AGMO: variants seen among roughly 807,000 people sequenced by gnomAD.
The protein encoded by AGMO is glyceryl-ether monooxygenase.
AGMO carries 75 observed loss-of-function variants against 60.2 expected under a neutral mutation model. The observed-to-expected ratio is 1.25, with a 90% CI of 1.03 to 1.51. The LOEUF is 1.51. Ranked by LOEUF, AGMO falls within the 40% of genes most tolerant of loss-of-function variation. The pLI is 0.00. For synonymous variants in AGMO, 261 were observed against 177.1 expected, an observed-to-expected ratio of 1.47 and a Z score of -3.76; for missense variants, 763 against 525.5, an observed-to-expected ratio of 1.45 and a Z score of -4.42.
chr7:15,560,860 T>G (rs941948806), intron 1 of AGMO, among the ~76,000 whole-genome samples: 7 of 152,212 alleles, frequency 4.6e-5, no homozygotes, highest in African/African-American at 1.7e-4. Flanking sequence ...AAAGCTCCAC[T>G]ATTGGTGATG....
chr7:15,424,793 G>A (rs1049450980), intron 4 of AGMO, among the ~76,000 whole-genome samples: 1 of 152,118 alleles, frequency 6.6e-6, no homozygotes, highest in Middle Eastern at 3.2e-3. Context: ...CTTCATGGGG[G>A]CTTAATGCAT....
At chr7:15,467,681 T>C (rs1043183975) in intron 3 of AGMO, among the ~76,000 whole-genome samples, 3 of 152,184 alleles carry the variant, frequency 2.0e-5, no homozygotes, top group African/African-American at 7.2e-5. Flanking sequence ...ATTTGCTCCA[T>C]ATTAAATAAC....
intron 3 of AGMO, among the ~76,000 whole-genome samples, chr7:15,486,753 T>C (rs1449621446): frequency 1.3e-5 from 2 of 152,228 alleles, no homozygotes; most frequent in African/African-American, 2.4e-5. Context: ...ATTTTATCTT[T>C]AGAAATATCA....
At chr7:15,312,028 T>A (rs1038481824) in intron 12 of AGMO, among the ~76,000 whole-genome samples, 1 of 151,558 alleles carries the variant, frequency 6.6e-6, no homozygotes, top group Non-Finnish European at 1.5e-5. Context: ...ACTCTCCAAA[T>A]GCATCACTGG....
chr7:15,531,044 A>G (rs71530627), intron 3 of AGMO, among the ~76,000 whole-genome samples: 6,246 of 20,612 alleles, frequency 0.3, 2,194 homozygotes, highest in East Asian at 0.62. Context: ...TATTCTATAT[A>G]TATTCTATAT....
At chr7:15,458,676 C>T (rs1035404899) in intron 3 of AGMO, among the ~76,000 whole-genome samples, 2 of 152,114 alleles carry the variant, frequency 1.3e-5, no homozygotes, top group African/African-American at 2.4e-5. Flanking sequence ...TCACATACAT[C>T]GCCACCTTTA....
At chr7:15,531,602 ATATATTCTATG>A (rs1202808981) in intron 3 of AGMO, among the ~76,000 whole-genome samples, 29 of 122,058 alleles carry the variant, frequency 2.4e-4, no homozygotes, top group South Asian at 4.5e-4. Flanking sequence ...TATTCTATAT[ATATATTCTATG>A]TATATTCTAT....
Position 15,561,979 on chromosome 7 carries a change from C to A in AGMO, c.-134G>T, listed in dbSNP as rs1228117617. On this transcript the variant is annotated 5_prime_UTR_variant, in exon 1 of 13. Transcript: ENST00000342526. ...GAGAACAGCTAAAACCAAAGCTCCA[C>A]TGAGAGCACACTCAACAGCCGATTC... 3 of 848,722 alleles carry A rather than the reference C, an allele frequency of 3.5e-6. No individual in the cohort carries two copies. Among genetic ancestry groups the A allele is most frequent in the Non-Finnish European group, 5.2e-6 (3 of 572,856 alleles). 52.6% of individuals were successfully genotyped at this position (848,722 alleles called of 1,614,324 possible).
intron 12 of AGMO, among the ~76,000 whole-genome samples, chr7:15,286,239 A>G (rs1177712444): frequency 6.6e-6 from 1 of 152,150 alleles, no homozygotes; most frequent in African/African-American, 2.4e-5. Context: ...AATTAAACGA[A>G]AAAGCTTCTG....
rs535726063 is a variant in AGMO, at chr7:15,209,437, G to C, written c.1264-8078C>G. ...ATGCCATGTTTACAGAAATCACAGA[G>C]ATGTCTGGTTTTAAAAATAAGACAG... is the stretch of plus-strand genomic sequence containing the variant. On this transcript the variant is annotated intron_variant, in intron 12 of 12. Coordinates refer to ENST00000342526, the MANE Select transcript of AGMO (RefSeq NM_001004320.2). Among the ~76,000 whole-genome samples, 387 of 152,186 alleles carry C rather than the reference G, an allele frequency of 2.5e-3. 3 individuals carry two copies. The highest frequency in any genetic ancestry group is 3.6e-3 in the Non-Finnish European group (244 of 68,012).
chr7:15,265,870 T>C (rs943160410), intron 12 of AGMO, among the ~76,000 whole-genome samples: 1 of 152,166 alleles, frequency 6.6e-6, no homozygotes, highest in South Asian at 2.1e-4. Flanking sequence ...AGCCAAAACA[T>C]GGAGTCAGTG....
At chr7:15,134,103 G>T in the AGMO span, among the ~76,000 whole-genome samples, 1 of 152,076 alleles carries the variant, frequency 6.6e-6, no homozygotes, top group Admixed American at 6.6e-5. Context: ...TGTCACAGGG[G>T]TTTGATGTAC....
At chr7:15,344,359 T>C (rs1781960258) in intron 12 of AGMO, among the ~76,000 whole-genome samples, 1 of 152,226 alleles carries the variant, frequency 6.6e-6, no homozygotes. Context: ...GTTTTCAATG[T>C]AGATCTGATC....
intron 12 of AGMO, among the ~76,000 whole-genome samples, chr7:15,307,919 TA>T (rs1189223469): frequency 6.6e-6 from 1 of 152,066 alleles, no homozygotes; most frequent in African/African-American, 2.4e-5. Context: ...ATGGAGTTTT[TA>T]TTTTATGTCT....
chr7:15,490,813 G>T (rs1353785714), intron 3 of AGMO, among the ~76,000 whole-genome samples: 3 of 152,090 alleles, frequency 2.0e-5, no homozygotes, highest in Non-Finnish European at 4.4e-5. Context: ...AATACCTGTT[G>T]TCTGCCCTTT....
intron 3 of AGMO, among the ~76,000 whole-genome samples, chr7:15,490,743 A>G (rs1188176438): frequency 6.6e-6 from 1 of 152,198 alleles, no homozygotes; most frequent in Non-Finnish European, 1.5e-5. Flanking sequence ...GAAAATTGAT[A>G]TAAGAAAATA....
chr7:15,136,301 T>TA, the AGMO span, among the ~76,000 whole-genome samples: 1 of 148,320 alleles, frequency 6.7e-6, no homozygotes, highest in Non-Finnish European at 1.5e-5. Context: ...CCTAGTATCA[T>TA]ATCTTGATGT....
chr7:15,263,496 T>G (rs1783340681), intron 12 of AGMO, among the ~76,000 whole-genome samples: 1 of 152,084 alleles, frequency 6.6e-6, no homozygotes, highest in South Asian at 2.1e-4. Flanking sequence ...AAAACCACTC[T>G]GGAAAACAGT....
At chr7:15,248,203 T>C (rs868465899) in intron 12 of AGMO, among the ~76,000 whole-genome samples, 4 of 94,532 alleles carry the variant, frequency 4.2e-5, no homozygotes, top group South Asian at 6.3e-4. Context: ...TATATATATA[T>C]ATATATATAT....
Sources: allele counts gnomAD v4.1 joint callset (sites outside exome capture counted in the v4.1 genomes callset), GRCh38; gene constraint gnomAD v4.1.1; transcripts MANE v1.5; gene names NCBI Gene and HGNC (gene_info 2026-07-23, HGNC 2026-07-21).